Variants in YIPF7 observed in about 807,000 individuals in gnomAD.
The protein encoded by YIPF7 is Yip1 domain family member 7, also known as protein YIPF7.
In YIPF7, 35 loss-of-function variants were observed where a neutral mutation model predicts 27.2. That is an observed-to-expected ratio of 1.29 (90% CI 0.98 to 1.70). YIPF7 has a LOEUF of 1.70. Among genes scored for constraint, YIPF7 ranks in the 40% most tolerant of loss-of-function variants. YIPF7 has a pLI of 0.00. For missense variants in YIPF7, 358 were observed against 303.7 expected (o/e 1.18, Z -1.33); for synonymous variants, 137 against 110.4 (o/e 1.24, Z -1.51).
At chr4:44,652,354 C>A (rs1010878639), upstream of YIPF7, among the ~76,000 whole-genome samples, 1 of 152,152 alleles carries the variant, frequency 6.6e-6, no homozygotes, top group African/African-American at 2.4e-5. Flanking sequence ...CTGGTGTTCT[C>A]ATCCCTAATA....
intron 3 of YIPF7, among the ~76,000 whole-genome samples, chr4:44,633,114 A>C (rs1279245094): frequency 1.3e-5 from 2 of 152,300 alleles, no homozygotes; most frequent in East Asian, 3.9e-4. Context: ...GAATCTAACT[A>C]ATGCCTGATG....
At chr4:44,641,626 C>T (rs770830898) in intron 2 of YIPF7, among the ~76,000 whole-genome samples, 2 of 152,110 alleles carry the variant, frequency 1.3e-5, no homozygotes, top group East Asian at 1.9e-4. Flanking sequence ...TACTTTCCTT[C>T]GAATGTTAAT....
At chr4:44,633,567 G>A (rs1411263343) in intron 3 of YIPF7, among the ~76,000 whole-genome samples, 5 of 152,096 alleles carry the variant, frequency 3.3e-5, no homozygotes, top group Admixed American at 6.5e-5. Flanking sequence ...AGGAGATAGA[G>A]GCAGTACTTA....
intron 2 of YIPF7, 79 bp downstream of exon 2, chr4:44,649,906 T>C (rs1713663824): frequency 3.9e-6 from 3 of 772,230 alleles, no homozygotes; most frequent in Non-Finnish European, 6.3e-6. Flanking sequence ...ATAACTACAA[T>C]ATATTGAATT....
chr4:44,658,506 C>T (rs1392218802), intron 2 of YIPF7, among the ~76,000 whole-genome samples: 1 of 152,130 alleles, frequency 6.6e-6, no homozygotes, highest in African/African-American at 2.4e-5. Flanking sequence ...CTCCCCACTA[C>T]CCTGTTGTTA....
Position 44,650,111 on chromosome 4 carries a change from A to C in YIPF7, c.-1-10T>G. On this transcript the variant is annotated splice_polypyrimidine_tract_variant and intron_variant, in intron 1 of 5. Transcript: ENST00000415895. The stretch of plus-strand genomic sequence containing the variant: ...TGCCAAGTTTGACATCCTGAAAAAT[A>C]AGAGTATGTTTTTAATAAGTTCATG... 1 of 1,470,222 alleles carries C rather than the reference A, an allele frequency of 6.8e-7. No homozygotes were observed. The highest frequency in any genetic ancestry group is 2.4e-5 in the East Asian group (1 of 41,308). 91.1% of individuals were successfully genotyped at this position (1,470,222 alleles called of 1,614,324 possible). A position where few individuals can be genotyped will look rare whatever the true frequency, so the allele number is the denominator to read the frequency against.
intron 3 of YIPF7, among the ~76,000 whole-genome samples, chr4:44,632,514 G>C (rs575493348): frequency 6.6e-6 from 1 of 152,042 alleles, no homozygotes; most frequent in Non-Finnish European, 1.5e-5. Context: ...CATTAACAAA[G>C]AGCAAAATTT....
chr4:44,648,488 A>G (rs76051007), intron 2 of YIPF7, among the ~76,000 whole-genome samples: 4,241 of 152,200 alleles, frequency 0.028, 190 homozygotes, highest in African/African-American at 0.098. Context: ...ATTAATTTAT[A>G]TAATTTCAGA....
chr4:44,622,242 T>C lies in YIPF7; in HGVS notation c.*172A>G. 1.1e-5 allele frequency: 9 copies of C among 788,608 alleles called. No homozygotes were observed. The highest frequency in any genetic ancestry group is 1.8e-5 in the Non-Finnish European group (9 of 506,208). The allele number at this position is 788,608 out of a possible 1,614,324, so 48.9% of individuals were successfully genotyped here. A position where few individuals can be genotyped will look rare whatever the true frequency, so the allele number is the denominator to read the frequency against. On this transcript the variant is annotated 3_prime_UTR_variant, in exon 6 of 6. Transcript: ENST00000415895. ...CACCAAACTCAAAAGCAAAACATCA[T>C]TCAAACCAACAGGCTATTAGAGCAC...
In YIPF7 at chr4:44,649,994, C is replaced by A. The variant is rs764744886; in HGVS notation, c.107G>T (p.Gly36Val). ...NDSNAYGNLY[G>V]SRKQQAGEQP... The stretch of plus-strand genomic sequence containing the variant: ...AATATTAAGTACTTACTTTCTAGAT[C>A]CATAAAGATTTCCATAGGCATTAGA... Residue 36 changes from glycine (G) to valine (V), a missense_variant, in exon 2 of 6, where the codon GGA becomes GTA. Physicochemically the swap from Gly to Val is moderately radical, Grantham distance 109. Coordinates refer to ENST00000415895, the MANE Select transcript of YIPF7 (RefSeq NM_182592.3). 16 of 1,516,710 alleles carry A rather than the reference C, an allele frequency of 1.1e-5. No homozygotes were observed. The highest frequency in any genetic ancestry group is 1.4e-5 in the African/African-American group (1 of 72,092). The allele number at this position is 1,516,710 out of a possible 1,614,324, so 94.0% of individuals were successfully genotyped here. A position where few individuals can be genotyped will look rare whatever the true frequency, so the allele number is the denominator to read the frequency against.
chr4:44,641,276 A>G (rs780973926), intron 2 of YIPF7, among the ~76,000 whole-genome samples: 1 of 151,968 alleles, frequency 6.6e-6, no homozygotes, highest in Non-Finnish European at 1.5e-5. Context: ...TAGAAGTGTG[A>G]TTGTCTACAC....
intron 1 of YIPF7, among the ~76,000 whole-genome samples, chr4:44,660,940 CA>C (rs1714029410): frequency 6.6e-6 from 1 of 152,082 alleles, no homozygotes; most frequent in African/African-American, 2.4e-5. Flanking sequence ...GAAAAATAGA[CA>C]AGGGAACTTT....
chr4:44,634,330 C>T (rs776918842), intron 3 of YIPF7, among the ~76,000 whole-genome samples: 1 of 152,002 alleles, frequency 6.6e-6, no homozygotes, highest in African/African-American at 2.4e-5. Context: ...GTCAGGAGGT[C>T]GAGACTAGCC....
chr4:44,623,978 G>T (rs761485125), intron 5 of YIPF7, among the ~76,000 whole-genome samples: 1 of 151,418 alleles, frequency 6.6e-6, no homozygotes, highest in Non-Finnish European at 1.5e-5. Context: ...TGAAGTTCCT[G>T]TAGTTCTTAT....
intron 2 of YIPF7, among the ~76,000 whole-genome samples, chr4:44,658,943 A>G (rs74578354): frequency 0.093 from 14,206 of 152,236 alleles, 812 homozygotes; most frequent in East Asian, 0.25. Context: ...ACAATTCAAG[A>G]AGAGATTTGG....
At chr4:44,627,337 G>A (rs1179392376) in intron 4 of YIPF7, among the ~76,000 whole-genome samples, 3 of 152,152 alleles carry the variant, frequency 2.0e-5, no homozygotes, top group African/African-American at 7.2e-5. Context: ...CCTACTGAAA[G>A]AATTGTGTCT....
chr4:44,630,960 G>A (rs1016977731), intron 3 of YIPF7, among the ~76,000 whole-genome samples: 2 of 152,122 alleles, frequency 1.3e-5, no homozygotes, highest in Non-Finnish European at 2.9e-5. Flanking sequence ...TATCAGTAAG[G>A]GTGAGGTGGA....
At chr4:44,625,434 T>C (rs897679115) in intron 4 of YIPF7, among the ~76,000 whole-genome samples, 1 of 152,192 alleles carries the variant, frequency 6.6e-6, no homozygotes, top group African/African-American at 2.4e-5. Flanking sequence ...CGGGAACTCT[T>C]ACAAGTCCTA....
At chr4:44,625,611 A>G (rs1372327865) in intron 4 of YIPF7, among the ~76,000 whole-genome samples, 1 of 152,202 alleles carries the variant, frequency 6.6e-6, no homozygotes, top group Non-Finnish European at 1.5e-5. Flanking sequence ...GTACTGTCAA[A>G]GGAAGTTAGT....
Sources: gnomAD v4.1 joint callset for allele counts (sites outside exome capture counted in the v4.1 genomes callset) on GRCh38, gnomAD v4.1.1 for gene constraint, MANE v1.5 for transcripts, NCBI Gene and HGNC (gene_info 2026-07-23, HGNC 2026-07-21) for gene names.